Variants in SDK2 observed in about 807,000 individuals in gnomAD.
SDK2 encodes the protein protein sidekick-2.
Under a neutral mutation model 253.9 loss-of-function variants are expected in SDK2, and 105 were observed. The ratio of observed to expected loss-of-function variants is 0.41; its 90% CI spans 0.35 to 0.49. The LOEUF (loss-of-function observed/expected upper bound fraction) is 0.49. Ranked by LOEUF, SDK2 falls within the 20% of genes least tolerant of loss-of-function variation. The pLI, the probability that SDK2 is intolerant of heterozygous loss-of-function variation, is 0.06. For synonymous variants in SDK2, 1,249 were observed against 1,234.9 expected (o/e 1.01, Z -0.24); for missense variants, 2,608 against 3,003.0 (o/e 0.87, Z 3.07).
At chr17:73,576,688 C>G (rs2045462580) in intron 1 of SDK2, among the ~76,000 whole-genome samples, 1 of 152,192 alleles carries the variant, frequency 6.6e-6, no homozygotes, top group Non-Finnish European at 1.5e-5. Context: ...AGGTGTAGTA[C>G]ACTCCCCCAG....
intron 6 of SDK2, 34 bp from the exon 7 acceptor site, chr17:73,438,188 A>C: frequency 6.5e-7 from 1 of 1,531,082 alleles, no homozygotes; most frequent in Non-Finnish European, 8.8e-7. Context: ...GTGTTCAGCC[A>C]TGAGGACTCC....
intron 40 of SDK2, among the ~76,000 whole-genome samples, chr17:73,354,233 T>C (rs1190097661): frequency 6.6e-6 from 1 of 152,202 alleles, no homozygotes; most frequent in Non-Finnish European, 1.5e-5. Context: ...GTTTCCTGTC[T>C]GTTCTCCACC....
At chr17:73,533,302 G>A (rs1339828269) in intron 1 of SDK2, among the ~76,000 whole-genome samples, 5 of 152,238 alleles carry the variant, frequency 3.3e-5, no homozygotes, top group African/African-American at 7.2e-5. Context: ...CTGGGGCCCC[G>A]GGGCCGACTG....
rs370091048 is a variant in SDK2 at position 73,390,303 on chromosome 17, C to T, written c.4176G>A (p.Val1392=). The T allele has an allele frequency of 1.6e-5, 25 of 1,588,888 alleles. No individual in the cohort carries two copies. The highest frequency in any genetic ancestry group is 1.6e-4 in the South Asian group (14 of 89,080). ...GWGEAAEALV[V]TTEKRDRPQP... ...GGCAGTCACCTCTCTTCTCGGTGGT[C>T]ACCACCAAGGCCTCGGCAGCTTCTC... Residue 1392 remains valine (V), a synonymous_variant, in exon 29 of 45, where the codon GTG becomes GTA. Transcript: ENST00000392650.
At chr17:73,474,386 C>T (rs1255882456) in intron 2 of SDK2, among the ~76,000 whole-genome samples, 1 of 152,156 alleles carries the variant, frequency 6.6e-6, no homozygotes, top group African/African-American at 2.4e-5. Flanking sequence ...GGCAAAGTCC[C>T]ACAGAGCCTT....
At chr17:73,425,800 C>T (rs577893376) in intron 12 of SDK2, among the ~76,000 whole-genome samples, 1 of 152,192 alleles carries the variant, frequency 6.6e-6, no homozygotes, top group African/African-American at 2.4e-5. Context: ...AGCCACCACG[C>T]CTGGCCTTGG....
At chr17:73,408,243 A>C (rs1447843987) in intron 18 of SDK2, among the ~76,000 whole-genome samples, 12 of 139,482 alleles carry the variant, frequency 8.6e-5, no homozygotes, top group Admixed American at 7.3e-5. Context: ...TTTGAGATGG[A>C]GTCTCGCTCT....
chr17:73,615,316 G>A (rs866730432), intron 1 of SDK2, among the ~76,000 whole-genome samples: 1 of 152,242 alleles, frequency 6.6e-6, no homozygotes, highest in Admixed American at 6.5e-5. Context: ...GCCACTAGCA[G>A]AGCTGAGTCT....
At chr17:73,532,455 C>T (rs145494688) in intron 1 of SDK2, among the ~76,000 whole-genome samples, 125 of 152,220 alleles carry the variant, frequency 8.2e-4, no homozygotes, top group African/African-American at 2.9e-3. Context: ...AGAAAAGGTG[C>T]CAGCTGCCTC....
chr17:73,523,930 G>A (rs1050702649), intron 1 of SDK2, among the ~76,000 whole-genome samples: 5 of 152,164 alleles, frequency 3.3e-5, no homozygotes, highest in African/African-American at 4.8e-5. Flanking sequence ...GTACATCTTG[G>A]TCATTTCTGT....
intron 1 of SDK2, among the ~76,000 whole-genome samples, chr17:73,619,410 C>T (rs769883439): frequency 4.6e-5 from 7 of 152,052 alleles, no homozygotes; most frequent in African/African-American, 7.2e-5. Context: ...ACACAGAGAC[C>T]GGTGTAACAG....
At chr17:73,363,438 C>G (rs1269063018) in intron 38 of SDK2, among the ~76,000 whole-genome samples, 2 of 152,200 alleles carry the variant, frequency 1.3e-5, no homozygotes, top group Admixed American at 6.5e-5. Flanking sequence ...TGAAATGACC[C>G]TGGGACCAGG....
At chr17:73,546,626 G>A (rs534851425) in intron 1 of SDK2, among the ~76,000 whole-genome samples, 107 of 152,312 alleles carry the variant, frequency 7.0e-4, no homozygotes, top group Admixed American at 3.2e-3. Context: ...GGCCTGGACT[G>A]GGCAGCAGGT....
At chr17:73,419,790 G>A (rs889011005) in intron 15 of SDK2, among the ~76,000 whole-genome samples, 6 of 151,498 alleles carry the variant, frequency 4.0e-5, no homozygotes, top group Non-Finnish European at 4.4e-5. Flanking sequence ...AGACTGAGGT[G>A]GGAGGATGGC....
In SDK2 at chr17:73,507,419, G is replaced by A; in HGVS notation, c.224+19C>T. The A allele has an allele frequency of 6.5e-7, 1 of 1,545,676 alleles. No homozygotes were observed. On this transcript the variant is annotated intron_variant, in intron 2 of 44. Coordinates refer to ENST00000392650, the MANE Select transcript of SDK2 (RefSeq NM_001144952.2). ...GTGGTCCTGGCAGCCAGGAGGAAGG[G>A]CGGGGAGGGGCAGTTTACCTGTATT...
In SDK2 at chr17:73,435,746, T is replaced by G. The variant is rs2063363648; in HGVS notation, c.1001-102A>C. 9.2e-7 allele frequency: 1 copy of G among 1,088,194 alleles called. No individual in the cohort carries two copies. The highest frequency in any genetic ancestry group is 1.3e-6 in the Non-Finnish European group (1 of 774,696). The allele number at this position is 1,088,194 out of a possible 1,614,324, so 67.4% of individuals were successfully genotyped here. On this transcript the variant is annotated intron_variant, in intron 8 of 44. Coordinates refer to ENST00000392650, the MANE Select transcript of SDK2 (RefSeq NM_001144952.2). This position sits in a 1 kb window ranked among gnomAD's most constrained non-coding sequence, Gnocchi z 5.7. ...CCGGGCCCGGAAATCTGCGAGGGGGTCCCTGGTGAATCTTGGTGTCTAGAA... is the reference window on the plus strand; with the variant it reads ...CCGGGCCCGGAAATCTGCGAGGGGGGCCCTGGTGAATCTTGGTGTCTAGAA...
intron 27 of SDK2, among the ~76,000 whole-genome samples, chr17:73,393,255 A>AG (rs1227147230): frequency 5.6e-5 from 8 of 142,398 alleles, no homozygotes; most frequent in Non-Finnish European, 1.2e-4. Flanking sequence ...AAAAAAAAAA[A>AG]AAAAAAAAAG....
rs2046424094 is a variant in SDK2, at chr17:73,643,489, C to G, written c.64+536G>C. Among the ~76,000 whole-genome samples, 1 of 152,138 alleles carries G rather than the reference C, an allele frequency of 6.6e-6. No individual in the cohort carries two copies. Among genetic ancestry groups the G allele is most frequent in the African/African-American group, 2.4e-5 (1 of 41,446 alleles). On this transcript the variant is annotated intron_variant, in intron 1 of 44. Transcript: ENST00000392650. This position sits in a 1 kb window ranked among gnomAD's most constrained non-coding sequence, Gnocchi z 6.9. Reference sequence around the variant, plus strand: ...CAGCGGCTGGCCGAGCAGCCAGGGGCGGGCTCCCGTACGTGGCCAAGCCGG... The same window carrying G: ...CAGCGGCTGGCCGAGCAGCCAGGGGGGGGCTCCCGTACGTGGCCAAGCCGG...
rs114147059 is a variant in SDK2, at chr17:73,536,162, T to C, written c.65-28565A>G. On this transcript the variant is annotated intron_variant, in intron 1 of 44. Transcript: ENST00000392650. ...AGACCACAGAGGTGCAGGGCCCCACTCACAGCCTTTAATATAGCAGGTCTG... is the reference window on the plus strand; with the variant it reads ...AGACCACAGAGGTGCAGGGCCCCACCCACAGCCTTTAATATAGCAGGTCTG... 5.6e-3 allele frequency among the ~76,000 whole-genome samples: 847 copies of C among 152,142 alleles called. 8 individuals carry two copies. Among genetic ancestry groups the C allele is most frequent in the African/African-American group, 0.019 (772 of 41,516 alleles).
Sources: gnomAD v4.1 joint callset for allele counts (sites outside exome capture counted in the v4.1 genomes callset) on GRCh38, gnomAD v4.1.1 for gene constraint, Gnocchi (gnomAD v3.1) non-coding constraint, MANE v1.5 for transcripts, NCBI Gene and HGNC (gene_info 2026-07-23, HGNC 2026-07-21) for gene names.